Variants in PXYLP1 observed in about 807,000 individuals in gnomAD.
PXYLP1 encodes 2-phosphoxylose phosphatase 1.
In PXYLP1, 17 loss-of-function variants were observed where a neutral mutation model predicts 37.9. That is an observed-to-expected ratio of 0.45 (90% confidence interval 0.31 to 0.67). The LOEUF is 0.67. PXYLP1 is among the 30% of genes least tolerant of loss of function. The pLI is 0.07. For synonymous variants in PXYLP1, 221 were observed against 232.2 expected, an observed-to-expected ratio of 0.95 and a Z score of 0.44; for missense variants, 511 against 612.0, an observed-to-expected ratio of 0.84 and a Z score of 1.74.
At chr3:141,250,986 A>ACC in intron 1 of PXYLP1, among the ~76,000 whole-genome samples, 1 of 152,340 alleles carries the variant, frequency 6.6e-6, no homozygotes. Flanking sequence ...TATCATATCT[A>ACC]AGAGTGGTAT....
chr3:141,238,590 A>G (rs1354315527), intron 1 of PXYLP1, among the ~76,000 whole-genome samples: 2 of 152,138 alleles, frequency 1.3e-5, no homozygotes, highest in Non-Finnish European at 2.9e-5. Flanking sequence ...ACTTTAAACT[A>G]TGGTTGACCC....
At chr3:141,263,189 C>A (rs575882280) in intron 2 of PXYLP1, among the ~76,000 whole-genome samples, 3 of 152,252 alleles carry the variant, frequency 2.0e-5, no homozygotes, top group Admixed American at 2.0e-4. Flanking sequence ...TGTAGTGAAC[C>A]TACATATATT....
rs957220362 is a variant in PXYLP1, at chr3:141,285,071, G to A, written c.366-2243G>A. On this transcript the variant is annotated intron_variant, in intron 4 of 5. Coordinates refer to ENST00000286353, the MANE Select transcript of PXYLP1 (RefSeq NM_001037172.3). ...GTAGTCAGATCCAGGTCCAGGACTC[G>A]AGTTACCTGGTCTGCTTTCCACTAA... Among the ~76,000 whole-genome samples, 7 of 151,866 alleles carry A rather than the reference G, an allele frequency of 4.6e-5. No homozygotes were observed. The South Asian group carries it at 1.0e-3, about 22-fold the overall frequency.
intron 1 of PXYLP1, among the ~76,000 whole-genome samples, chr3:141,236,936 ATAT>A (rs1196528413): frequency 2.0e-5 from 3 of 152,200 alleles, no homozygotes; most frequent in Non-Finnish European, 2.9e-5. Context: ...TAAGTATATA[ATAT>A]TTTATGCAAG....
chr3:141,260,070 A>G (rs1941352801), intron 1 of PXYLP1, 53 bp from the exon 2 acceptor site: 1 of 1,353,728 alleles, frequency 7.4e-7, no homozygotes, highest in Middle Eastern at 1.8e-4. Context: ...TCAGTTGACA[A>G]ATTTAGTTCT....
chr3:141,260,179 C>T lies in PXYLP1; in HGVS notation c.4C>T (p.Leu2Phe). M[L>F]FRNRFLLLLA... is the part of the protein sequence containing the mutation. ...AGAGAAAATAGAATACTTAATAATG[C>T]TTTTCCGCAACCGCTTCTTGCTGCT... is the stretch of plus-strand genomic sequence containing the variant. The change falls in exon 2 of 6, where the codon CTT becomes TTT. Residue 2 changes from leucine (L) to phenylalanine (F), a missense_variant. Coordinates refer to ENST00000286353, the MANE Select transcript of PXYLP1 (RefSeq NM_001037172.3). The T allele has an allele frequency of 1.2e-6, 2 of 1,613,952 alleles. No individual in the cohort carries two copies. Among genetic ancestry groups the T allele is most frequent in the Non-Finnish European group, 1.7e-6 (2 of 1,180,036 alleles).
In PXYLP1 at chr3:141,251,240, C is replaced by A. The variant is rs1941132838; in HGVS notation, c.-53-8883C>A. ...TGGAAGGCAATCAAGGAATGGGTGG[C>A]CTTGCCCCTTGGGGTTATCTAGGGT... On this transcript the variant is annotated intron_variant, in intron 1 of 5. Coordinates refer to ENST00000286353, the MANE Select transcript of PXYLP1 (RefSeq NM_001037172.3). 2.0e-5 allele frequency among the ~76,000 whole-genome samples: 3 copies of A among 152,202 alleles called. No individual in the cohort carries two copies. In the South Asian group the frequency reaches 6.2e-4, roughly 31 times the overall value.
chr3:141,287,419 C>A lies in PXYLP1; in HGVS notation c.471C>A (p.His157Gln). The change falls in exon 5 of 6, where the codon CAC becomes CAA. Residue 157 changes from histidine (H) to glutamine (Q), a missense_variant. Transcript: ENST00000286353. ...ACTCCTTGCCTCTTTACCCAAATCACCCATTGTGTGAGATGGGAGAGCTCA... is the reference window on the plus strand; with the variant it reads ...ACTCCTTGCCTCTTTACCCAAATCAACCATTGTGTGAGATGGGAGAGCTCA... ...PLNSLPLYPN[H>Q]PLCEMGELTQ... 6.2e-7 allele frequency: 1 copy of A among 1,614,156 alleles called. No homozygotes were observed. Among genetic ancestry groups the A allele is most frequent in the Non-Finnish European group, 8.5e-7 (1 of 1,180,026 alleles).
chr3:141,262,256 G>A (rs1941409279), intron 2 of PXYLP1: 4 of 989,730 alleles, frequency 4.0e-6, no homozygotes, highest in Middle Eastern at 2.8e-4. Flanking sequence ...TGGAAAAGAG[G>A]TCAAAAGAAG....
chr3:141,261,505 A>G (rs1486296761), intron 2 of PXYLP1, among the ~76,000 whole-genome samples: 1 of 152,232 alleles, frequency 6.6e-6, no homozygotes, highest in African/African-American at 2.4e-5. Context: ...TGGAGCAATT[A>G]AACTCCATTT....
rs770036809 is a variant in PXYLP1, at chr3:141,292,853, C to T, written c.1091C>T (p.Thr364Ile). ...ACCATCGGCCGGATGCAGCGTGCCA[C>T]CGAGGGCAGGAAAGAAGAGCTCTTT... Reference protein sequence around the residue: ...NQTIGRMQRATEGRKEELFAL... With the variant: ...NQTIGRMQRAIEGRKEELFAL... Residue 364 changes from threonine to isoleucine, a missense_variant, in exon 6 of 6, where the codon ACC becomes ATC. By Grantham distance (89) the Thr-to-Ile change is moderately conservative. Coordinates refer to ENST00000286353, the MANE Select transcript of PXYLP1 (RefSeq NM_001037172.3). This position sits in a 1 kb window ranked among gnomAD's most constrained non-coding sequence, Gnocchi z 4.3. 2 of 1,614,200 alleles carry T rather than the reference C, an allele frequency of 1.2e-6. No homozygotes were observed. The highest frequency in any genetic ancestry group is 2.2e-5 in the South Asian group (2 of 91,082).
intron 2 of PXYLP1, among the ~76,000 whole-genome samples, chr3:141,263,732 T>A (rs903286299): frequency 6.6e-6 from 1 of 152,228 alleles, no homozygotes; most frequent in Non-Finnish European, 1.5e-5. Context: ...GAATCATAAT[T>A]TGAATGTCAG....
Position 141,236,108 on chromosome 3 carries a change from C to T in PXYLP1, c.-54+4197C>T, listed in dbSNP as rs570283161. The stretch of plus-strand genomic sequence containing the variant: ...CTTGGCCCACAGTCATCTGTGCATG[C>T]GTCTGCCCCTCCCTCCATCAGTGGA... On this transcript the variant is annotated intron_variant, in intron 1 of 5. Transcript: ENST00000286353. Among the ~76,000 whole-genome samples, 101 of 152,322 alleles carry T rather than the reference C, an allele frequency of 6.6e-4. 1 individual carries two copies. Among genetic ancestry groups the T allele is most frequent in the African/African-American group, 2.3e-3 (96 of 41,554 alleles).
intron 1 of PXYLP1, among the ~76,000 whole-genome samples, chr3:141,241,947 C>T (rs970720729): frequency 5.3e-5 from 8 of 152,282 alleles, no homozygotes; most frequent in South Asian, 2.1e-4. Context: ...GTCCTTTGCC[C>T]GGGCATTACT....
chr3:141,248,146 C>A (rs577789111), intron 1 of PXYLP1, among the ~76,000 whole-genome samples: 2 of 151,282 alleles, frequency 1.3e-5, no homozygotes, highest in South Asian at 4.2e-4. Flanking sequence ...CCTTAGCCTC[C>A]CAAGGAGCTG....
chr3:141,273,864 T>G lies in PXYLP1; in HGVS notation c.80-4478T>G. ...GAGTTAATCATCAGTAAAAGATATC[T>G]CGTATCCTGTTATTCGTGTTGGTCC... On this transcript the variant is annotated intron_variant, in intron 2 of 5. Transcript: ENST00000286353. 5 of 985,340 alleles carry G rather than the reference T, an allele frequency of 5.1e-6. No homozygotes were observed. The South Asian group carries it at 2.3e-4, about 46-fold the overall frequency. The allele number at this position is 985,340 out of a possible 1,614,324, so 61.0% of individuals were successfully genotyped here.
chr3:141,285,260 C>CT (rs1942049237), intron 4 of PXYLP1, among the ~76,000 whole-genome samples: 1 of 149,158 alleles, frequency 6.7e-6, no homozygotes, highest in Non-Finnish European at 1.5e-5. Flanking sequence ...GATCCTCCTG[C>CT]TTTAGCCTCC....
At chr3:141,263,287 A>G (rs1458171757) in intron 2 of PXYLP1, among the ~76,000 whole-genome samples, 1 of 152,252 alleles carries the variant, frequency 6.6e-6, no homozygotes, top group African/African-American at 2.4e-5. Context: ...GATACTGTTC[A>G]CAGTTTCTCA....
At chr3:141,247,821 C>T (rs942017414) in intron 1 of PXYLP1, among the ~76,000 whole-genome samples, 1 of 152,156 alleles carries the variant, frequency 6.6e-6, no homozygotes, top group African/African-American at 2.4e-5. Context: ...AGTACTTGCT[C>T]AGTTAGCTGC....
Sources: gnomAD v4.1 joint callset for allele counts (sites outside exome capture counted in the v4.1 genomes callset) on GRCh38, gnomAD v4.1.1 for gene constraint, Gnocchi (gnomAD v3.1) non-coding constraint, MANE v1.5 for transcripts, NCBI Gene and HGNC (gene_info 2026-07-23, HGNC 2026-07-21) for gene names.